Variants in LILRB3 observed in about 807,000 individuals in gnomAD.
LILRB3 encodes the protein leukocyte immunoglobulin-like receptor subfamily B member 3.
In LILRB3, 32 loss-of-function variants were observed where a neutral mutation model predicts 68.2. That is an observed-to-expected ratio of 0.47 (90% confidence interval 0.35 to 0.63). LILRB3 has a LOEUF of 0.63. Ranked by LOEUF, LILRB3 falls within the 30% of genes least tolerant of loss-of-function variation. The pLI is 0.00. For missense variants in LILRB3, 502 were observed against 791.3 expected (o/e 0.63, Z 4.39); for synonymous variants, 185 against 323.1 (o/e 0.57, Z 4.58).
At chr19:54,219,984 T>TCCC (rs201021797) in intron 7 of LILRB3, 171 bp downstream of exon 7, 1 of 1,261,650 alleles carries the variant, frequency 7.9e-7, no homozygotes, top group African/African-American at 1.5e-5. Flanking sequence ...CGGCTCCTCC[T>TCCC]CCTGGCTGGG....
rs202146775 is a variant in LILRB3, at chr19:54,219,209, G to A, written c.1346C>T (p.Ser449Leu). Residue 449 changes from serine to leucine, a missense_variant, in exon 8 of 13, where the codon TCG (serine) becomes TTG (leucine). Transcript: ENST00000445347. ...GAAGAGCAGCAGGACGAAGGCCACC[G>A]AGACCCCAATCAAAACCTCCAGGTA... The A allele has an allele frequency of 2.0e-4, 328 of 1,602,592 alleles. No individual in the cohort carries two copies. Among genetic ancestry groups the A allele is most frequent in the Admixed American group, 7.8e-4 (44 of 56,748 alleles).
rs549267286 is a variant in LILRB3, at chr19:54,217,138, T to C, written c.1851A>G (p.Glu617=). 5 of 1,596,512 alleles carry C rather than the reference T, an allele frequency of 3.1e-6. No homozygotes were observed. The Admixed American group carries it at 6.7e-5, about 22-fold the overall frequency. The change falls in exon 13 of 13, where the codon GAA becomes GAG. Residue 617 remains glutamate, a synonymous_variant. Transcript: ENST00000445347. ...CGTAGATGCTGGGCTCAGCTGGAGG[T>C]TCCCCTTCCTGGGATGGAGGAGGCT...
At position 54,219,179 on chromosome 19, in the gene LILRB3, A is replaced by G. The variant is rs1238804790; in HGVS notation, c.1376T>C (p.Leu459Pro). ...CTGACGGAGGAGGAGGAGGAAGAGG[A>G]GGAGGAAGAGCAGCAGGACGAAGGC... The change falls in exon 8 of 13, where the codon CTC becomes CCC. Residue 459 changes from leucine to proline, a missense_variant. Coordinates refer to ENST00000445347, the Ensembl canonical transcript of LILRB3. 4 of 1,608,894 alleles carry G rather than the reference A, an allele frequency of 2.5e-6. No homozygotes were observed. In the African/African-American group the frequency reaches 5.4e-5, roughly 22 times the overall value.
exon 5 of LILRB3, chr19:54,221,108 A>G (rs528395250): frequency 0.66 from 602,109 of 913,798 alleles, 242,620 homozygotes; most frequent in African/African-American, 0.88. Flanking sequence ...CCAGGGGGTC[A>G]CTGGGGGCCG....
In LILRB3 at chr19:54,220,019, C is replaced by A. The variant is rs1221429959; in HGVS notation, c.1309+136G>T. The A allele has an allele frequency of 4.1e-4, 445 of 1,073,184 alleles. 97 individuals carry two copies. In the South Asian group the frequency reaches 6.3e-3, roughly 15 times the overall value. The allele number at this position is 1,073,184 out of a possible 1,614,324, so 66.5% of individuals were successfully genotyped here. A position where few individuals can be genotyped will look rare whatever the true frequency, so the allele number is the denominator to read the frequency against. On this transcript the variant is annotated intron_variant, in intron 7 of 12. Coordinates refer to ENST00000445347, the Ensembl canonical transcript of LILRB3. The stretch of plus-strand genomic sequence containing the variant: ...GCCCCAACATCTCCCTCTGCCTCGA[C>A]CCCCGCCCCTCACCAGCCCAGCCTC...
exon 8 of LILRB3, chr19:54,219,245 C>A (rs543988973): frequency 1.3e-6 from 2 of 1,565,774 alleles, no homozygotes; most frequent in Non-Finnish European, 1.7e-6. Flanking sequence ...TCTTCCCAGA[C>A]CTTGACATGA....
chr19:54,218,551 G>C, intron 10 of LILRB3, 94 bp downstream of exon 10: 1 of 1,606,234 alleles, frequency 6.2e-7, no homozygotes, highest in African/African-American at 1.3e-5. Context: ...CTTCCACGGA[G>C]CCCCAGACCC....
At chr19:54,218,616 C>A (rs772667726) in intron 10 of LILRB3, 29 bp downstream of exon 10, 1 of 1,614,140 alleles carries the variant, frequency 6.2e-7, no homozygotes. Context: ...CTCTCCAGCA[C>A]CCCCATTTGT....
At position 54,218,403 on chromosome 19, in the gene LILRB3, C is replaced by G. The variant is rs956676394; in HGVS notation, c.1551G>C (p.Val517=). 1.9e-6 allele frequency: 3 copies of G among 1,614,088 alleles called. 1 individual carries two copies. Among genetic ancestry groups the G allele is most frequent in the Middle Eastern group, 3.3e-4 (2 of 6,084 alleles). ...CCCTGTCCTCAGACTGTGTGTCCTT[C>G]ACAGCAGCATCTGCTGGGGCAGAGC... is the stretch of plus-strand genomic sequence containing the variant. Residue 517 remains valine (V), a synonymous_variant, in exon 11 of 13, where the codon GTG becomes GTC. Coordinates refer to ENST00000445347, the Ensembl canonical transcript of LILRB3.
Position 54,219,159 on chromosome 19 carries a change from GGAGGA to G in LILRB3, c.1391_1395del (p.Leu464ProfsTer11), listed in dbSNP as rs2077803607. 16 of 1,527,714 alleles carry G rather than the reference GGAGGA, an allele frequency of 1.0e-5. No individual in the cohort carries two copies. Among genetic ancestry groups the G allele is most frequent in the African/African-American group, 6.9e-5 (5 of 72,302 alleles). 94.6% of individuals were successfully genotyped at this position (1,527,714 alleles called of 1,614,324 possible). A position where few individuals can be genotyped will look rare whatever the true frequency, so the allele number is the denominator to read the frequency against. On this transcript the variant is annotated frameshift_variant, in exon 8 of 13. Transcript: ENST00000445347. LOFTEE classifies it high-confidence loss of function. The stretch of plus-strand genomic sequence containing the variant: ...GTCCTGTGTTTGCTGTGACGCTGAC[GGAGGA>G]GGAGGAGGAAGAGGAGGAGGAAGAG...
exon 13 of LILRB3, chr19:54,217,160 G>T: frequency 6.2e-7 from 1 of 1,614,090 alleles, no homozygotes; most frequent in East Asian, 2.2e-5. Flanking sequence ...GGATGGAGGA[G>T]GCTCAGTTGC....
At chr19:54,219,381 C>A (rs1370266077) in intron 7 of LILRB3, 136 bp from the exon 8 acceptor site, 45 of 1,455,250 alleles carry the variant, frequency 3.1e-5, no homozygotes, top group Non-Finnish European at 4.2e-5. Context: ...GCCACCCGTA[C>A]AACCCATTTC....
chr19:54,216,890 A>C (rs1412303566), exon 13 of LILRB3: 2 of 1,434,476 alleles, frequency 1.4e-6, no homozygotes, highest in Non-Finnish European at 1.8e-6. Context: ...ATTGTTGAGA[A>C]GTCTGTTGCT....
chr19:54,222,074 C>A (rs778472723), exon 4 of LILRB3: 1 of 1,611,044 alleles, frequency 6.2e-7, no homozygotes, highest in African/African-American at 1.4e-5. Context: ...GTCATATTCC[C>A]CCCTGAGGCC....
rs1256776829 is a variant in LILRB3 at position 54,217,041 on chromosome 19, C to T, written c.*52G>A. 5 of 1,613,802 alleles carry T rather than the reference C, an allele frequency of 3.1e-6. No individual in the cohort carries two copies. The East Asian group carries it at 1.1e-4, about 36-fold the overall frequency. ...CCACTGGGGGCAGCTCCCGTGCCTT[C>T]AGCAGTCCTGAGTCTCCTTCTGCTG... On this transcript the variant is annotated 3_prime_UTR_variant, in exon 13 of 13. Coordinates refer to ENST00000445347, the Ensembl canonical transcript of LILRB3.
chr19:54,219,772 C>G (rs1373763188), intron 7 of LILRB3: 1 of 1,488,690 alleles, frequency 6.7e-7, no homozygotes, highest in Non-Finnish European at 9.1e-7. Context: ...AGGGGCCTGT[C>G]CACATCACCA....
At chr19:54,218,957 T>C (rs778176397) in intron 8 of LILRB3, 119 bp from the exon 9 acceptor site, 108 of 1,543,034 alleles carry the variant, frequency 7.0e-5, no homozygotes, top group Non-Finnish European at 9.0e-5. Context: ...CCAAATATTT[T>C]ATGAGATAGA....
rs1488092944 is a variant in LILRB3 at position 54,222,744 on chromosome 19, C to T, written c.70+3G>A. Reference sequence around the variant, plus strand: ...GACCTGGGACAGCTGGGGACAGACTCACCTGCCTGCATGCGGGTCCTGGGG... The same window carrying T: ...GACCTGGGACAGCTGGGGACAGACTTACCTGCCTGCATGCGGGTCCTGGGG... On this transcript the variant is annotated splice_donor_region_variant and intron_variant, in intron 2 of 12. Coordinates refer to ENST00000445347, the Ensembl canonical transcript of LILRB3. 67 of 1,612,564 alleles carry T rather than the reference C, an allele frequency of 4.2e-5. No individual in the cohort carries two copies. In the East Asian group the frequency reaches 1.5e-3, roughly 35 times the overall value.
intron 5 of LILRB3, 121 bp from the exon 6 acceptor site, chr19:54,220,951 C>A (rs1355683621): frequency 9.5e-7 from 1 of 1,054,664 alleles, no homozygotes; most frequent in African/African-American, 2.5e-5. Flanking sequence ...TCCCCTCCCC[C>A]CATCCCCTGT....
Sources: allele counts gnomAD v4.1 joint callset, GRCh38; gene constraint gnomAD v4.1.1; transcripts MANE v1.5; gene names NCBI Gene and HGNC (gene_info 2026-07-23, HGNC 2026-07-21).